Variants in GNAI3 observed in about 807,000 individuals in gnomAD.
GNAI3 encodes guanine nucleotide-binding protein G(i) subunit alpha-3.
A neutral mutation model predicts 41.8 loss-of-function variants in GNAI3; 12 were observed. That is an observed-to-expected ratio of 0.29 (90% confidence interval 0.18 to 0.47). GNAI3 has a LOEUF of 0.47. GNAI3 is among the 20% of genes least tolerant of loss of function. GNAI3 has a pLI of 1.00. For synonymous variants in GNAI3, 132 were observed against 146.5 expected (o/e 0.90, Z 0.71); for missense variants, 360 against 429.6 (o/e 0.84, Z 1.43).
chr1:109,578,693 T>C (rs1358107553), intron 3 of GNAI3, among the ~76,000 whole-genome samples: 4 of 152,190 alleles, frequency 2.6e-5, no homozygotes, highest in East Asian at 1.9e-4. Context: ...CCATCTCCTC[T>C]TCTTGTTCTA....
chr1:109,583,459 C>A (rs1648947472), intron 5 of GNAI3, among the ~76,000 whole-genome samples: 1 of 152,210 alleles, frequency 6.6e-6, no homozygotes, highest in African/African-American at 2.4e-5. Context: ...AGGCTATTCT[C>A]CCACCTCAGC....
intron 6 of GNAI3, 33 bp from the exon 7 acceptor site, chr1:109,586,696 C>A: frequency 6.6e-6 from 10 of 1,515,048 alleles, no homozygotes; most frequent in Non-Finnish European, 9.0e-6. Flanking sequence ...TTACTATTTG[C>A]TACTGACCTA....
chr1:109,565,226 G>A (rs1648419179), intron 1 of GNAI3, among the ~76,000 whole-genome samples: 1 of 151,498 alleles, frequency 6.6e-6, no homozygotes. Context: ...TTGTGCCACT[G>A]GGTGACAGAG....
At chr1:109,572,828 C>T (rs923397622) in intron 1 of GNAI3, among the ~76,000 whole-genome samples, 1 of 152,074 alleles carries the variant, frequency 6.6e-6, no homozygotes, top group African/African-American at 2.4e-5. Flanking sequence ...ATTGCAGCAG[C>T]CATGACCTTG....
chr1:109,576,224 A>G (rs1456167098), intron 3 of GNAI3, among the ~76,000 whole-genome samples: 2 of 151,674 alleles, frequency 1.3e-5, no homozygotes, highest in African/African-American at 2.4e-5. Flanking sequence ...GCCTGCCACC[A>G]CGGCTGACTA....
Position 109,573,878 on chromosome 1 carries a change from G to A in GNAI3, c.162-18G>A. On this transcript the variant is annotated intron_variant, in intron 2 of 8. Coordinates refer to ENST00000369851, the MANE Select transcript of GNAI3 (RefSeq NM_006496.4). ...TTTAGGTCCATGGTATTGACTTGTG[G>A]TTTTCTTTGTTTTAAAGAATCATTC... is the stretch of plus-strand genomic sequence containing the variant. 6.2e-7 allele frequency: 1 copy of A among 1,608,532 alleles called. No individual in the cohort carries two copies. Among genetic ancestry groups the A allele is most frequent in the East Asian group, 2.2e-5 (1 of 44,818 alleles).
chr1:109,566,710 C>T (rs1332979659), intron 1 of GNAI3, among the ~76,000 whole-genome samples: 7 of 152,144 alleles, frequency 4.6e-5, no homozygotes, highest in Admixed American at 2.0e-4. Context: ...TACAGGTGCC[C>T]GCCACCATAC....
Position 109,596,772 on chromosome 1 carries a change from A to T in GNAI3, c.*4450A>T, listed in dbSNP as rs1489641971. On this transcript the variant is annotated 3_prime_UTR_variant, in exon 9 of 9. Transcript: ENST00000369851. ...AGTAGTTACCTGGGGTACATGGTTA[A>T]TTTGATTTAGCAGATTCTTTGGCTA... 2 of 152,242 alleles carry T rather than the reference A, an allele frequency of 1.3e-5. No homozygotes were observed. The highest frequency in any genetic ancestry group is 2.9e-5 in the Non-Finnish European group (2 of 68,040). 9.4% of individuals were successfully genotyped at this position (152,242 alleles called of 1,614,324 possible).
chr1:109,576,975 T>C (rs1648763213), intron 3 of GNAI3, among the ~76,000 whole-genome samples: 1 of 151,224 alleles, frequency 6.6e-6, no homozygotes, highest in Non-Finnish European at 1.5e-5. Flanking sequence ...TAATTCCCTC[T>C]CTTTTGAAGT....
At chr1:109,591,647 G>A in intron 7 of GNAI3, 1 of 413,138 alleles carries the variant, frequency 2.4e-6, no homozygotes, top group Non-Finnish European at 4.4e-6. Context: ...GCACTACCCT[G>A]TTGAATTTTT....
chr1:109,586,379 A>C lies in GNAI3; in HGVS notation c.720+34A>C, dbSNP rs769230268. 4.4e-6 allele frequency: 7 copies of C among 1,578,928 alleles called. No homozygotes were observed. In the Admixed American group the frequency reaches 1.3e-4, roughly 29 times the overall value. ...GAGCTTCTGGTAAAAAGCCTGTCTA[A>C]TGTAGCCAGGAAATGGAAAATAACT... On this transcript the variant is annotated intron_variant, in intron 6 of 8. Transcript: ENST00000369851.
chr1:109,548,780 C>T lies in GNAI3; in HGVS notation c.60C>T (p.Asp20=). The change falls in exon 1 of 9, where the codon GAC becomes GAT. Residue 20 remains aspartate, a synonymous_variant. Coordinates refer to ENST00000369851, the MANE Select transcript of GNAI3 (RefSeq NM_006496.4). ...KAAVERSKMI[D]RNLREDGEKA... is the part of the protein sequence containing the mutation. ...CAGTGGAGCGAAGCAAGATGATCGA[C>T]CGCAACTTACGGGAGGACGGGGAAA... The T allele has an allele frequency of 6.2e-7, 1 of 1,613,534 alleles. No homozygotes were observed. The highest frequency in any genetic ancestry group is 1.7e-5 in the Admixed American group (1 of 59,940).
rs1265460205 is a variant in GNAI3, at chr1:109,598,569, G to A, written c.*6247G>A. On this transcript the variant is annotated 3_prime_UTR_variant, in exon 9 of 9. Transcript: ENST00000369851. ...AGCACCAACAAAGGTATTCAACGTA[G>A]TGGGTGGTCTTTTACAGCATTACTT... 1 of 193,592 alleles carries A rather than the reference G, an allele frequency of 5.2e-6. No individual in the cohort carries two copies. The highest frequency in any genetic ancestry group is 2.3e-5 in the African/African-American group (1 of 42,746). The allele number at this position is 193,592 out of a possible 1,614,324, so 12.0% of individuals were successfully genotyped here. A position where few individuals can be genotyped will look rare whatever the true frequency, so the allele number is the denominator to read the frequency against.
At position 109,548,639 on chromosome 1, in the gene GNAI3, A is replaced by G. The variant is rs568484443; in HGVS notation, c.-82A>G. ...TGACGGAGAGGGCCACCGCCCAGCAATAGACGGTGCCTCAGCCTGCCGAGC... is the reference window on the plus strand; with the variant it reads ...TGACGGAGAGGGCCACCGCCCAGCAGTAGACGGTGCCTCAGCCTGCCGAGC... On this transcript the variant is annotated 5_prime_UTR_variant, in exon 1 of 9. Coordinates refer to ENST00000369851, the MANE Select transcript of GNAI3 (RefSeq NM_006496.4). 1.6e-4 allele frequency: 145 copies of G among 930,416 alleles called. 2 individuals are homozygous for G. The South Asian group carries it at 2.0e-3, about 13-fold the overall frequency. The allele number at this position is 930,416 out of a possible 1,614,324, so 57.6% of individuals were successfully genotyped here.
chr1:109,593,212 T>TAAGC lies in GNAI3; in HGVS notation c.*890_*891insAAGC, dbSNP rs1247749677. 1.3e-5 allele frequency: 2 copies of TAAGC among 152,700 alleles called. No homozygotes were observed. Among genetic ancestry groups the TAAGC allele is most frequent in the Non-Finnish European group, 1.5e-5 (1 of 68,048 alleles). The allele number at this position is 152,700 out of a possible 1,614,324, so 9.5% of individuals were successfully genotyped here. A position where few individuals can be genotyped will look rare whatever the true frequency, so the allele number is the denominator to read the frequency against. On this transcript the variant is annotated 3_prime_UTR_variant, in exon 9 of 9. Coordinates refer to ENST00000369851, the MANE Select transcript of GNAI3 (RefSeq NM_006496.4). ...TTACTAAATTGACCACTTTGATTCT[T>TAAGC]GCTTGTTTGTCTCAGTTATAGGGAG...
intron 5 of GNAI3, among the ~76,000 whole-genome samples, chr1:109,585,008 T>A (rs1648998698): frequency 6.6e-6 from 1 of 152,238 alleles, no homozygotes; most frequent in Non-Finnish European, 1.5e-5. Context: ...AAGGAAGAGT[T>A]GGGTCATAAA....
chr1:109,591,271 A>G (rs981501061), intron 7 of GNAI3, among the ~76,000 whole-genome samples: 2 of 152,078 alleles, frequency 1.3e-5, no homozygotes, highest in African/African-American at 4.8e-5. Flanking sequence ...CTGTGGAATG[A>G]TTTTGAAAAG....
intron 7 of GNAI3, chr1:109,591,546 C>T (rs1035723762): frequency 1.2e-5 from 9 of 732,974 alleles, no homozygotes; most frequent in Admixed American, 2.1e-5. Flanking sequence ...AAATATGGAA[C>T]GCTTCACGAA....
chr1:109,580,328 C>G (rs114003685), intron 4 of GNAI3, among the ~76,000 whole-genome samples: 18 of 151,934 alleles, frequency 1.2e-4, no homozygotes, highest in African/African-American at 4.4e-4. Context: ...TGTACTTTTG[C>G]GGGGCCTGGT....
Sources: allele counts gnomAD v4.1 joint callset (sites outside exome capture counted in the v4.1 genomes callset), GRCh38; gene constraint gnomAD v4.1.1; transcripts MANE v1.5; gene names NCBI Gene and HGNC (gene_info 2026-07-23, HGNC 2026-07-21).